The following TPGS2 variants were observed in gnomAD, a reference collection of about 807,000 sequenced individuals.
TPGS2 encodes the protein tubulin polyglutamylase complex subunit 2, also known as polyglutamylase subunit 2.
In TPGS2, 26 loss-of-function variants were observed where a neutral mutation model predicts 31.1. The ratio of observed to expected loss-of-function variants is 0.84; its 90% CI spans 0.61 to 1.16. TPGS2 has a LOEUF of 1.16. Among genes scored for constraint, TPGS2 ranks in the 50% most tolerant of loss-of-function variants. The pLI, the probability that TPGS2 is intolerant of heterozygous loss-of-function variation, is 0.00. For synonymous variants in TPGS2, 130 were observed against 136.6 expected (o/e 0.95, Z 0.34); for missense variants, 351 against 363.8 (o/e 0.96, Z 0.29).
chr18:36,828,341 TGAGAATGC>T (rs2046288872), intron 1 of TPGS2, among the ~76,000 whole-genome samples: 8 of 152,138 alleles, frequency 5.3e-5, no homozygotes, highest in Admixed American at 3.9e-4. Flanking sequence ...ATGCCCTGGC[TGAGAATGC>T]CTCCTAGGGG....
intron 4 of TPGS2, among the ~76,000 whole-genome samples, chr18:36,804,969 G>A (rs991458219): frequency 2.6e-5 from 4 of 152,168 alleles, no homozygotes; most frequent in Non-Finnish European, 5.9e-5. Context: ...GCCAGAGGGA[G>A]ACTTTATCAT....
rs1188477233 is a variant in TPGS2, at chr18:36,795,493, C to T, written c.*1312G>A. On this transcript the variant is annotated 3_prime_UTR_variant, in exon 7 of 7. Transcript: ENST00000334295. ...AAAGAACTTGGGGCTAGGTGGGTGA[C>T]TCCCCACTTTCCCTGTTGGGAAGCA... 3.0e-6 allele frequency: 3 copies of T among 985,352 alleles called. No homozygotes were observed. Among genetic ancestry groups the T allele is most frequent in the Non-Finnish European group, 3.6e-6 (3 of 829,970 alleles). The allele number at this position is 985,352 out of a possible 1,614,324, so 61.0% of individuals were successfully genotyped here.
chr18:36,793,852 C>T (rs1247279817), downstream of TPGS2, among the ~76,000 whole-genome samples: 1 of 151,960 alleles, frequency 6.6e-6, no homozygotes, highest in East Asian at 1.9e-4. Flanking sequence ...ATTCTCCTGC[C>T]TCAGCCTCCC....
At chr18:36,800,584 A>C (rs2044757139) in intron 4 of TPGS2, among the ~76,000 whole-genome samples, 1 of 152,220 alleles carries the variant, frequency 6.6e-6, no homozygotes, top group South Asian at 2.1e-4. Context: ...TGGAAGTGGG[A>C]CCACAGAGCA....
rs747390061 is a variant in TPGS2 at position 36,800,311 on chromosome 18, G to T, written c.383C>A (p.Ala128Asp). ...AGGCTTCTCTGGCTGATCATCACTG[G>T]CTGCAAACCCAGAAGTTAATGGTAA... ...LADLEDDTHE[A>D]SDDQPEKPHF... The change falls in exon 5 of 7, where the codon GCC becomes GAC. Residue 128 changes from alanine to aspartate, a missense_variant and splice_region_variant. Physicochemically the swap from Ala to Asp is moderately radical, Grantham distance 126. Coordinates refer to ENST00000334295, the MANE Select transcript of TPGS2 (RefSeq NM_015476.4). 8 of 1,613,518 alleles carry T rather than the reference G, an allele frequency of 5.0e-6. No homozygotes were observed. Among genetic ancestry groups the T allele is most frequent in the Non-Finnish European group, 6.8e-6 (8 of 1,179,632 alleles).
chr18:36,794,512 T>A lies in TPGS2; in HGVS notation c.*2293A>T, dbSNP rs948597347. On this transcript the variant is annotated 3_prime_UTR_variant, in exon 7 of 7. Transcript: ENST00000334295. Reference sequence around the variant, plus strand: ...TGTGATTCGGGGGATCTCCAAGTACTAAAAAAGGGGTATCTGCTGCAGTGG... The same window carrying A: ...TGTGATTCGGGGGATCTCCAAGTACAAAAAAAGGGGTATCTGCTGCAGTGG... The A allele has an allele frequency of 1.0e-6, 1 of 985,224 alleles. No homozygotes were observed. The highest frequency in any genetic ancestry group is 1.1e-4 in the East Asian group (1 of 8,818). 61.0% of individuals were successfully genotyped at this position (985,224 alleles called of 1,614,324 possible). A position where few individuals can be genotyped will look rare whatever the true frequency, so the allele number is the denominator to read the frequency against.
chr18:36,780,590 G>A (rs141375252), downstream of TPGS2, among the ~76,000 whole-genome samples: 59 of 152,220 alleles, frequency 3.9e-4, 1 homozygote, highest in East Asian at 0.011. Flanking sequence ...AGATATTATA[G>A]ACTATACTTA....
intron 3 of TPGS2, 38 bp downstream of exon 3, chr18:36,807,809 A>G (rs377028103): frequency 6.3e-7 from 1 of 1,595,698 alleles, no homozygotes; most frequent in African/African-American, 1.3e-5. Flanking sequence ...TCAATCTCTC[A>G]GCCAGGGAAA....
intron 6 of TPGS2, among the ~76,000 whole-genome samples, chr18:36,783,499 T>C (rs1205141033): frequency 1.3e-5 from 2 of 152,344 alleles, no homozygotes; most frequent in East Asian, 3.9e-4. Context: ...TAAGGTTTTT[T>C]TCTTTCTGTT....
intron 2 of TPGS2, among the ~76,000 whole-genome samples, chr18:36,813,557 T>G (rs1023871438): frequency 6.6e-6 from 1 of 152,248 alleles, no homozygotes; most frequent in South Asian, 2.1e-4. Context: ...TGCATTTCAG[T>G]ACTTTTGATG....
intron 1 of TPGS2, among the ~76,000 whole-genome samples, 191 bp downstream of exon 1, chr18:36,828,492 T>G (rs1036592358): frequency 3.3e-5 from 5 of 152,126 alleles, no homozygotes; most frequent in Non-Finnish European, 5.9e-5. Flanking sequence ...CTCCGAACAC[T>G]CCTGGCAAAC....
In TPGS2 at chr18:36,794,522, G is replaced by GTATC. The variant is rs2044432318; in HGVS notation, c.*2279_*2282dup. On this transcript the variant is annotated 3_prime_UTR_variant, in exon 7 of 7. Coordinates refer to ENST00000334295, the MANE Select transcript of TPGS2 (RefSeq NM_015476.4). ...GGGATCTCCAAGTACTAAAAAAGGGGTATCTGCTGCAGTGGAAGATGACAT... is the reference window on the plus strand; with the variant it reads ...GGGATCTCCAAGTACTAAAAAAGGGGTATCTATCTGCTGCAGTGGAAGATGACAT... 1.0e-6 allele frequency: 1 copy of GTATC among 985,418 alleles called. No homozygotes were observed. The highest frequency in any genetic ancestry group is 1.2e-6 in the Non-Finnish European group (1 of 829,946). The allele number at this position is 985,418 out of a possible 1,614,324, so 61.0% of individuals were successfully genotyped here. A position where few individuals can be genotyped will look rare whatever the true frequency, so the allele number is the denominator to read the frequency against.
chr18:36,780,720 C>G (rs1052579640), downstream of TPGS2, among the ~76,000 whole-genome samples: 2 of 152,064 alleles, frequency 1.3e-5, no homozygotes, highest in Admixed American at 1.3e-4. Flanking sequence ...GTTGTAACAG[C>G]GGTATTTGTG....
At chr18:36,792,838 T>C (rs1441964834), downstream of TPGS2, among the ~76,000 whole-genome samples, 2 of 152,276 alleles carry the variant, frequency 1.3e-5, no homozygotes, top group African/African-American at 4.8e-5. Context: ...TAGCACTTTA[T>C]GTACAATCTT....
At chr18:36,823,138 G>C (rs527666788) in intron 1 of TPGS2, among the ~76,000 whole-genome samples, 2 of 152,148 alleles carry the variant, frequency 1.3e-5, no homozygotes, top group Non-Finnish European at 2.9e-5. Flanking sequence ...AGCCTGGCAC[G>C]GCATGACTGG....
chr18:36,823,017 CTT>C (rs2045961156), intron 1 of TPGS2, among the ~76,000 whole-genome samples: 1 of 152,192 alleles, frequency 6.6e-6, no homozygotes, highest in Non-Finnish European at 1.5e-5. Flanking sequence ...AGCATTTGCT[CTT>C]TTCTTTCAAA....
rs1053679071 is a variant in TPGS2, at chr18:36,828,962, G to C, written c.-195C>G. 4.8e-5 allele frequency: 49 copies of C among 1,010,906 alleles called. No individual in the cohort carries two copies. The African/African-American group carries it at 6.7e-4, about 14-fold the overall frequency. 62.6% of individuals were successfully genotyped at this position (1,010,906 alleles called of 1,614,324 possible). On this transcript the variant is annotated 5_prime_UTR_variant, in exon 1 of 7. Coordinates refer to ENST00000334295, the MANE Select transcript of TPGS2 (RefSeq NM_015476.4). ...GCGCCGGTTCCCGCGGCCCCGCCCG[G>C]TGCCCCACACCGCACCTCCGGGACG...
chr18:36,793,049 C>T (rs1392337327), downstream of TPGS2, among the ~76,000 whole-genome samples: 2 of 152,148 alleles, frequency 1.3e-5, no homozygotes, highest in Non-Finnish European at 2.9e-5. Flanking sequence ...TTGCCAGAAG[C>T]GCTCCCCTCC....
At chr18:36,788,218 A>C (rs1290327014) in intron 6 of TPGS2, among the ~76,000 whole-genome samples, 1 of 77,446 alleles carries the variant, frequency 1.3e-5, no homozygotes, top group African/African-American at 5.3e-5. Flanking sequence ...TTTAGAATCT[A>C]ATTTTCACAG....
Sources: gnomAD v4.1 joint callset for allele counts (sites outside exome capture counted in the v4.1 genomes callset) on GRCh38, gnomAD v4.1.1 for gene constraint, MANE v1.5 for transcripts, NCBI Gene and HGNC (gene_info 2026-07-23, HGNC 2026-07-21) for gene names.